Variants in DPP10 observed in about 807,000 individuals in gnomAD.
DPP10 encodes inactive dipeptidyl peptidase 10.
In DPP10, 33 loss-of-function variants were observed where a neutral mutation model predicts 120.9. That is an observed-to-expected ratio of 0.27 (90% CI 0.21 to 0.37). DPP10 has a LOEUF of 0.37. Ranked by LOEUF, DPP10 falls within the 10% of genes least tolerant of loss-of-function variation. DPP10 has a pLI of 1.00. For missense variants in DPP10, 816 were observed against 942.8 expected, an observed-to-expected ratio of 0.87 and a Z score of 1.76; for synonymous variants, 337 against 326.1, an observed-to-expected ratio of 1.03 and a Z score of -0.36.
At chr2:115,262,300 T>C (rs2059286503) in intron 1 of DPP10, among the ~76,000 whole-genome samples, 1 of 152,198 alleles carries the variant, frequency 6.6e-6, no homozygotes, top group South Asian at 2.1e-4. Flanking sequence ...TCCCATTTTT[T>C]AAAGACTTCT....
chr2:115,799,670 T>C (rs10201981), intron 19 of DPP10, among the ~76,000 whole-genome samples: 32,738 of 146,242 alleles, frequency 0.22, 4,285 homozygotes, highest in Admixed American at 0.38. Flanking sequence ...CACCTATGAG[T>C]GAGAACATGC....
intron 3 of DPP10, among the ~76,000 whole-genome samples, chr2:115,396,908 C>A (rs1227081738): frequency 6.6e-6 from 1 of 152,050 alleles, no homozygotes; most frequent in Non-Finnish European, 1.5e-5. Flanking sequence ...TCTCCTATCT[C>A]CTTATTTGAG....
intron 1 of DPP10, among the ~76,000 whole-genome samples, chr2:114,455,039 T>C (rs1264177198): frequency 5.3e-5 from 8 of 152,160 alleles, no homozygotes; most frequent in Non-Finnish European, 1.0e-4. Context: ...TCTTTCATAG[T>C]ATTAATGTTT....
At chr2:115,303,937 C>T (rs1470495820) in intron 1 of DPP10, among the ~76,000 whole-genome samples, 1 of 151,918 alleles carries the variant, frequency 6.6e-6, no homozygotes, top group Non-Finnish European at 1.5e-5. Context: ...GAGTTTATTC[C>T]AGGTATCTTT....
chr2:115,158,549 G>C (rs907961606), intron 1 of DPP10, among the ~76,000 whole-genome samples: 4 of 152,108 alleles, frequency 2.6e-5, no homozygotes, highest in African/African-American at 4.8e-5. Flanking sequence ...TTGAATTCTA[G>C]GAAATCTTCC....
At chr2:115,558,028 T>C (rs995858845) in intron 5 of DPP10, among the ~76,000 whole-genome samples, 1 of 152,198 alleles carries the variant, frequency 6.6e-6, no homozygotes, top group Non-Finnish European at 1.5e-5. Flanking sequence ...GATGTATATA[T>C]TTTATAAGAC....
chr2:115,520,150 C>G (rs746325771), intron 4 of DPP10, among the ~76,000 whole-genome samples: 8 of 152,106 alleles, frequency 5.3e-5, no homozygotes, highest in Non-Finnish European at 1.0e-4. Context: ...AACCCCGTCT[C>G]TACTAAAAAT....
chr2:115,403,971 A>T (rs2068313603), intron 3 of DPP10, among the ~76,000 whole-genome samples: 1 of 152,180 alleles, frequency 6.6e-6, no homozygotes. Flanking sequence ...TTAAAAGGAA[A>T]TTTTTTAAAA....
intron 7 of DPP10, among the ~76,000 whole-genome samples, chr2:115,705,299 A>G (rs981354941): frequency 2.6e-5 from 4 of 151,976 alleles, no homozygotes; most frequent in African/African-American, 9.7e-5. Context: ...ATATTCCATT[A>G]AATATCTATG....
At chr2:114,930,175 C>T (rs964315198) in intron 1 of DPP10, among the ~76,000 whole-genome samples, 14 of 152,188 alleles carry the variant, frequency 9.2e-5, no homozygotes, top group African/African-American at 3.1e-4. Context: ...ACCTGACTCC[C>T]TTTAGTCACG....
At chr2:115,639,497 G>T (rs1352257294) in intron 5 of DPP10, among the ~76,000 whole-genome samples, 1 of 152,118 alleles carries the variant, frequency 6.6e-6, no homozygotes, top group Non-Finnish European at 1.5e-5. Flanking sequence ...CATCTGTCCT[G>T]GTGTTATAGG....
chr2:114,824,758 A>C (rs10427193), intron 1 of DPP10, among the ~76,000 whole-genome samples: 33 of 152,210 alleles, frequency 2.2e-4, no homozygotes, highest in African/African-American at 7.5e-4. Flanking sequence ...TGTGTTAGAA[A>C]CTTTGTCTTT....
At chr2:114,933,281 A>AT (rs1696214714) in intron 1 of DPP10, among the ~76,000 whole-genome samples, 1 of 152,218 alleles carries the variant, frequency 6.6e-6, no homozygotes, top group Non-Finnish European at 1.5e-5. Flanking sequence ...TTCTTAAGGC[A>AT]TTGGTGCTGC....
At chr2:114,981,109 G>T (rs761958959) in intron 1 of DPP10, among the ~76,000 whole-genome samples, 44 of 151,270 alleles carry the variant, frequency 2.9e-4, no homozygotes, top group Admixed American at 2.6e-4. Flanking sequence ...AGGGCAATTT[G>T]ACTGTATTTC....
At chr2:115,616,705 A>T (rs537263930) in intron 5 of DPP10, among the ~76,000 whole-genome samples, 5 of 151,346 alleles carry the variant, frequency 3.3e-5, no homozygotes, top group African/African-American at 9.7e-5. Context: ...GAACAGCAAT[A>T]CTCTTCTGGT....
At position 115,824,342 on chromosome 2, in the gene DPP10, C is replaced by T. The variant is rs143703060; in HGVS notation, c.1950+8613C>T. On this transcript the variant is annotated intron_variant, in intron 21 of 25. Transcript: ENST00000410059. ...ATTTTACGTTAAGTACCACGGTACA[C>T]GTGCAGAATGTGCAGGTTTGTTACG... Among the ~76,000 whole-genome samples, 11 of 152,180 alleles carry T rather than the reference C, an allele frequency of 7.2e-5. No individual in the cohort carries two copies. The East Asian group carries it at 1.4e-3, about 19-fold the overall frequency.
intron 5 of DPP10, among the ~76,000 whole-genome samples, chr2:115,683,213 C>T (rs941691155): frequency 1.3e-5 from 2 of 151,718 alleles, no homozygotes; most frequent in African/African-American, 4.8e-5. Context: ...AATGTATGTG[C>T]ATATTAGTAA....
At chr2:114,748,405 AT>A (rs70941005) in intron 1 of DPP10, among the ~76,000 whole-genome samples, 215 of 110,666 alleles carry the variant, frequency 1.9e-3, no homozygotes, top group East Asian at 5.1e-3. Flanking sequence ...TTTATTTTAA[AT>A]TTTTTTTTTA....
intron 1 of DPP10, among the ~76,000 whole-genome samples, chr2:115,111,744 T>C (rs2049232245): frequency 6.6e-6 from 1 of 152,152 alleles, no homozygotes; most frequent in Admixed American, 6.5e-5. Context: ...CCACATGTAA[T>C]AGGATCCATC....
Sources: gnomAD v4.1 joint callset for allele counts (sites outside exome capture counted in the v4.1 genomes callset) on GRCh38, gnomAD v4.1.1 for gene constraint, MANE v1.5 for transcripts, NCBI Gene and HGNC (gene_info 2026-07-23, HGNC 2026-07-21) for gene names.